TMPO: variants seen among roughly 807,000 people sequenced by gnomAD.
TMPO encodes the protein LEM domain containing 4.
In TMPO, 22 loss-of-function variants were observed where a neutral mutation model predicts 45.4. The observed-to-expected ratio is 0.48, with a 90% CI of 0.35 to 0.69. The LOEUF is 0.69. Ranked by LOEUF, TMPO falls within the 30% of genes least tolerant of loss-of-function variation. The pLI is 0.01. For missense variants in TMPO, 512 were observed against 548.8 expected (o/e 0.93, Z 0.67); for synonymous variants, 241 against 204.1 (o/e 1.18, Z -1.54).
intron 1 of TMPO, among the ~76,000 whole-genome samples, chr12:98,520,862 G>A (rs894593238): frequency 1.3e-5 from 2 of 151,924 alleles, no homozygotes; most frequent in African/African-American, 2.4e-5. Flanking sequence ...ATGAGCCACC[G>A]CTCCCGGCCT....
At chr12:98,541,764 G>T (rs1244895936) in intron 4 of TMPO, among the ~76,000 whole-genome samples, 3 of 151,890 alleles carry the variant, frequency 2.0e-5, no homozygotes, top group Admixed American at 6.6e-5. Flanking sequence ...CAGAATTTTG[G>T]CTTCTGTCCT....
chr12:98,541,095 G>C (rs1255487626), intron 4 of TMPO, among the ~76,000 whole-genome samples: 1 of 151,942 alleles, frequency 6.6e-6, no homozygotes, highest in Non-Finnish European at 1.5e-5. Flanking sequence ...TTACTAAGTT[G>C]GTTCCTGTAT....
At chr12:98,544,840 T>G in intron 6 of TMPO, 111 bp from the exon 7 acceptor site, 1 of 928,342 alleles carries the variant, frequency 1.1e-6, no homozygotes. Flanking sequence ...GCTTAAATCT[T>G]TACTAAGGGA....
chr12:98,535,677 T>C (rs763997279), intron 3 of TMPO: 1 of 985,404 alleles, frequency 1.0e-6, no homozygotes, highest in Non-Finnish European at 1.2e-6. Flanking sequence ...TGCTTTATTC[T>C]TGGAGTTGCA....
At chr12:98,518,999 C>T (rs1467286403) in intron 1 of TMPO, among the ~76,000 whole-genome samples, 7 of 151,632 alleles carry the variant, frequency 4.6e-5, no homozygotes, top group Non-Finnish European at 1.0e-4. Flanking sequence ...TTCCTGCCTC[C>T]GCCTCCCGAG....
chr12:98,528,922 A>G (rs192420001), intron 2 of TMPO, among the ~76,000 whole-genome samples: 2 of 152,250 alleles, frequency 1.3e-5, no homozygotes, highest in East Asian at 1.9e-4. Flanking sequence ...CGTGATGGCT[A>G]CTGTACTTCA....
intron 3 of TMPO, chr12:98,533,868 T>G: frequency 6.2e-7 from 1 of 1,614,198 alleles, no homozygotes; most frequent in Admixed American, 1.7e-5. Flanking sequence ...CAAAAGTAGA[T>G]GATGAAATCC....
Position 98,535,294 on chromosome 12 carries a change from GA to G in TMPO, c.566-2178del, listed in dbSNP as rs1290485663. On this transcript the variant is annotated intron_variant, in intron 3 of 8. Transcript: ENST00000556029. Reference sequence around the variant, plus strand: ...CAAATTAAATTTTTTTAAGCCATAAGAAATTATACTATATCCCAGTATCTGT... The same window carrying G: ...CAAATTAAATTTTTTTAAGCCATAAGAATTATACTATATCCCAGTATCTGT... The G allele has an allele frequency of 4.1e-6, 4 of 982,678 alleles. 1 individual carries two copies. The African/African-American group carries it at 7.0e-5, about 17-fold the overall frequency. The allele number at this position is 982,678 out of a possible 1,614,324, so 60.9% of individuals were successfully genotyped here.
rs1877203291 is a variant in TMPO at position 98,531,704 on chromosome 12, A to G, written c.431A>G (p.Lys144Arg). The G allele has an allele frequency of 6.2e-7, 1 of 1,612,890 alleles. No homozygotes were observed. Among genetic ancestry groups the G allele is most frequent in the Non-Finnish European group, 8.5e-7 (1 of 1,179,930 alleles). Residue 144 changes from lysine (K) to arginine (R), a missense_variant, in exon 3 of 9, where the codon AAA (lysine) becomes AGA (arginine). Transcript: ENST00000556029. ...IVGTTRKLYEKKLLKLREQGT... is the reference protein window; with the variant it reads ...IVGTTRKLYERKLLKLREQGT... ...GGAACAACCAGGAAGCTATATGAGAAAAAGCTTTTGAAACTGAGGGAACAA... is the reference window on the plus strand; with the variant it reads ...GGAACAACCAGGAAGCTATATGAGAGAAAGCTTTTGAAACTGAGGGAACAA...
At chr12:98,525,777 A>G (rs984166771) in intron 1 of TMPO, among the ~76,000 whole-genome samples, 7 of 152,004 alleles carry the variant, frequency 4.6e-5, no homozygotes, top group Non-Finnish European at 8.8e-5. Context: ...GAGCCTGACA[A>G]TTCTAGGTCA....
intron 4 of TMPO, among the ~76,000 whole-genome samples, chr12:98,543,824 T>C (rs1878064710): frequency 6.6e-6 from 1 of 152,344 alleles, no homozygotes; most frequent in East Asian, 1.9e-4. Flanking sequence ...GTTTGTATTT[T>C]TGTTTTAAAA....
intron 3 of TMPO, chr12:98,533,432 G>A (rs1242049018): frequency 6.8e-6 from 11 of 1,614,196 alleles, no homozygotes; most frequent in Non-Finnish European, 9.3e-6. Flanking sequence ...GGGGTAGGTA[G>A]TTTGCCTGGA....
rs890332547 is a variant in TMPO at position 98,531,552 on chromosome 12, T to C, written c.407-128T>C. On this transcript the variant is annotated intron_variant, in intron 2 of 8. Coordinates refer to ENST00000556029, the MANE Select transcript of TMPO (RefSeq NM_001032283.3). Reference sequence around the variant, plus strand: ...GTCTGGCCGCATTATATGGTATTTTTTTTTTTAAGAACTTGAGTTTAGAAA... The same window carrying C: ...GTCTGGCCGCATTATATGGTATTTTCTTTTTTAAGAACTTGAGTTTAGAAA... 18 of 1,027,462 alleles carry C rather than the reference T, an allele frequency of 1.8e-5. No homozygotes were observed. The African/African-American group carries it at 2.6e-4, about 15-fold the overall frequency. 63.6% of individuals were successfully genotyped at this position (1,027,462 alleles called of 1,614,324 possible). A position where few individuals can be genotyped will look rare whatever the true frequency, so the allele number is the denominator to read the frequency against.
intron 2 of TMPO, among the ~76,000 whole-genome samples, chr12:98,529,254 A>G (rs532245641): frequency 1.1e-4 from 16 of 152,058 alleles, no homozygotes; most frequent in African/African-American, 3.6e-4. Context: ...GGGTTTTGCC[A>G]TGTTGGCCAG....
intron 4 of TMPO, among the ~76,000 whole-genome samples, chr12:98,538,867 T>C (rs1036974288): frequency 2.0e-5 from 3 of 152,184 alleles, no homozygotes; most frequent in Non-Finnish European, 4.4e-5. Context: ...TGCCCTTTTA[T>C]GTAGTAGTCC....
At chr12:98,528,147 T>C in intron 2 of TMPO, 135 bp downstream of exon 2, 1 of 945,276 alleles carries the variant, frequency 1.1e-6, no homozygotes, top group Non-Finnish European at 1.6e-6. Flanking sequence ...AGAACCTGTG[T>C]TTCTTTGACT....
At chr12:98,537,670 G>A (rs1434484472) in intron 4 of TMPO, 98 bp downstream of exon 4, 1 of 914,664 alleles carries the variant, frequency 1.1e-6, no homozygotes. Context: ...CCAGATTCCA[G>A]CACGCTCAAT....
At chr12:98,547,011 A>G (rs1453408036) in intron 8 of TMPO, among the ~76,000 whole-genome samples, 1 of 149,440 alleles carries the variant, frequency 6.7e-6, no homozygotes, top group Non-Finnish European at 1.5e-5. Flanking sequence ...AGAGCCTTTA[A>G]GAAGGCAGGT....
At chr12:98,538,577 T>G (rs1375762541) in intron 4 of TMPO, among the ~76,000 whole-genome samples, 1 of 152,108 alleles carries the variant, frequency 6.6e-6, no homozygotes, top group Non-Finnish European at 1.5e-5. Context: ...GGTCTCAAAC[T>G]CCTGACCTCA....
Sources: allele counts gnomAD v4.1 joint callset (sites outside exome capture counted in the v4.1 genomes callset), GRCh38; gene constraint gnomAD v4.1.1; transcripts MANE v1.5; gene names NCBI Gene and HGNC (gene_info 2026-07-23, HGNC 2026-07-21).